Variants in TENM4 observed in about 807,000 individuals in gnomAD.
The protein encoded by TENM4 is teneurin transmembrane protein 4, also known as teneurin-4.
A neutral mutation model predicts 243.3 loss-of-function variants in TENM4; 82 were observed. The observed-to-expected ratio is 0.34, with a 90% CI of 0.28 to 0.40. The LOEUF is 0.40. Among genes scored for constraint, TENM4 ranks in the 10% least tolerant of loss-of-function variants. TENM4 has a pLI of 1.00. For missense variants in TENM4, 3,138 were observed against 3,673.3 expected (o/e 0.85, Z 3.77); for synonymous variants, 1,412 against 1,456.3 (o/e 0.97, Z 0.69).
At chr11:79,421,020 C>T (rs1858919875) in intron 1 of TENM4, among the ~76,000 whole-genome samples, 1 of 152,172 alleles carries the variant, frequency 6.6e-6, no homozygotes, top group Non-Finnish European at 1.5e-5. Context: ...TCGAGGAGTG[C>T]ACAAAGGTAT....
chr11:79,395,305 A>G (rs1858320169), intron 1 of TENM4, among the ~76,000 whole-genome samples: 1 of 152,180 alleles, frequency 6.6e-6, no homozygotes. Flanking sequence ...TCGTTATCTA[A>G]AATTGACACA....
At chr11:79,373,014 A>G (rs561815371) in intron 1 of TENM4, among the ~76,000 whole-genome samples, 1 of 152,302 alleles carries the variant, frequency 6.6e-6, no homozygotes, top group African/African-American at 2.4e-5. Context: ...TGCTTAGGAT[A>G]GGAAGTTTGG....
intron 3 of TENM4, among the ~76,000 whole-genome samples, chr11:79,163,324 C>G (rs1272911151): frequency 6.6e-6 from 1 of 151,990 alleles, no homozygotes; most frequent in Non-Finnish European, 1.5e-5. Context: ...CTCATTTTAA[C>G]AGGTGTGGAA....
chr11:79,372,977 T>A (rs1012384830), intron 1 of TENM4, among the ~76,000 whole-genome samples: 1 of 152,164 alleles, frequency 6.6e-6, no homozygotes, highest in African/African-American at 2.4e-5. Flanking sequence ...GGAGCTGTAT[T>A]CAAACTGCAG....
At chr11:78,947,875 A>C (rs1857033274) in intron 6 of TENM4, among the ~76,000 whole-genome samples, 1 of 152,130 alleles carries the variant, frequency 6.6e-6, no homozygotes, top group Non-Finnish European at 1.5e-5. Flanking sequence ...CAACTGCCAA[A>C]CCATCGGTTC....
intron 6 of TENM4, among the ~76,000 whole-genome samples, chr11:79,015,339 G>T (rs1162144956): frequency 6.6e-6 from 1 of 152,198 alleles, no homozygotes; most frequent in African/African-American, 2.4e-5. Context: ...AGTGACGCAG[G>T]AATTATTCTC....
chr11:79,000,873 A>C (rs1858305163), intron 6 of TENM4, among the ~76,000 whole-genome samples: 2 of 152,088 alleles, frequency 1.3e-5, no homozygotes, highest in African/African-American at 2.4e-5. Context: ...TCTACTAAAA[A>C]TACAATAATT....
chr11:79,053,110 C>T (rs1859843909), intron 6 of TENM4, among the ~76,000 whole-genome samples: 1 of 152,158 alleles, frequency 6.6e-6, no homozygotes, highest in South Asian at 2.1e-4. Context: ...ATTATATATA[C>T]AAACAAACTC....
chr11:79,393,878 T>C (rs1858286858), intron 1 of TENM4, among the ~76,000 whole-genome samples: 1 of 152,140 alleles, frequency 6.6e-6, no homozygotes, highest in African/African-American at 2.4e-5. Flanking sequence ...CAGATGGCTG[T>C]CTGGCTCTGG....
chr11:79,084,410 C>A (rs1246798955), intron 4 of TENM4, among the ~76,000 whole-genome samples: 1 of 152,130 alleles, frequency 6.6e-6, no homozygotes, highest in Non-Finnish European at 1.5e-5. Flanking sequence ...ATGCAAAAAG[C>A]CGTACAATGA....
chr11:78,708,926 T>C (rs1376607641), intron 26 of TENM4, among the ~76,000 whole-genome samples: 2 of 151,068 alleles, frequency 1.3e-5, no homozygotes, highest in Non-Finnish European at 1.5e-5. Flanking sequence ...TAATAATTAG[T>C]TCCCCTTTTT....
intron 2 of TENM4, among the ~76,000 whole-genome samples, chr11:79,277,069 T>C (rs1232144641): frequency 6.6e-6 from 1 of 152,204 alleles, no homozygotes; most frequent in African/African-American, 2.4e-5. Flanking sequence ...GGAATTCTTC[T>C]GCTTACAGTA....
chr11:78,658,181 C>A lies in TENM4; in HGVS notation c.8187G>T (p.Leu2729=). ...CGTAGCCTTGCACCCGCCCTGTGCT[C>A]AGCACCTGCTGCTTCTCCCCCTCTG... is the stretch of plus-strand genomic sequence containing the variant. ...AWTEGEKQQV[L]STGRVQGYDG... Residue 2729 remains leucine (L), a synonymous_variant, in exon 34 of 34, where the codon CTG becomes CTT. Transcript: ENST00000278550. 6.2e-7 allele frequency: 1 copy of A among 1,614,042 alleles called. No individual in the cohort carries two copies. Among genetic ancestry groups the A allele is most frequent in the Non-Finnish European group, 8.5e-7 (1 of 1,179,904 alleles).
intron 6 of TENM4, among the ~76,000 whole-genome samples, chr11:78,975,224 G>A (rs1183383039): frequency 6.6e-6 from 1 of 151,962 alleles, no homozygotes; most frequent in Non-Finnish European, 1.5e-5. Flanking sequence ...TGAGCTCCAT[G>A]TGTCAGCTGC....
intron 1 of TENM4, among the ~76,000 whole-genome samples, chr11:79,428,704 C>T (rs1366710364): frequency 6.6e-6 from 1 of 152,156 alleles, no homozygotes; most frequent in Non-Finnish European, 1.5e-5. Flanking sequence ...ACTTTTCTGA[C>T]CCAAATGCCC....
chr11:79,412,387 G>A (rs1858719996), intron 1 of TENM4, among the ~76,000 whole-genome samples: 1 of 152,086 alleles, frequency 6.6e-6, no homozygotes, highest in Non-Finnish European at 1.5e-5. Context: ...AGACAGTTGG[G>A]GTCCACCAGT....
intron 6 of TENM4, among the ~76,000 whole-genome samples, chr11:79,057,812 C>T (rs1379851120): frequency 2.0e-5 from 3 of 152,128 alleles, no homozygotes; most frequent in South Asian, 2.1e-4. Flanking sequence ...CCCAGTTGCA[C>T]GCGCTTATGT....
At chr11:79,286,499 CAA>C (rs59227835) in intron 2 of TENM4, among the ~76,000 whole-genome samples, 2,331 of 126,468 alleles carry the variant, frequency 0.018, 42 homozygotes, top group African/African-American at 0.052. Context: ...CTAAAAAATC[CAA>C]AAAAAAAAAA....
intron 6 of TENM4, among the ~76,000 whole-genome samples, chr11:78,912,115 C>T (rs1856202490): frequency 6.6e-6 from 1 of 152,152 alleles, no homozygotes; most frequent in African/African-American, 2.4e-5. Flanking sequence ...AAGATACAGA[C>T]CCCTTGTGGC....
Sources: gnomAD v4.1 joint callset for allele counts (sites outside exome capture counted in the v4.1 genomes callset) on GRCh38, gnomAD v4.1.1 for gene constraint, MANE v1.5 for transcripts, NCBI Gene and HGNC (gene_info 2026-07-23, HGNC 2026-07-21) for gene names.